The following MAPK10 variants were observed in gnomAD, a reference collection of about 807,000 sequenced individuals.
MAPK10 encodes JNK3 alpha protein kinase.
A neutral mutation model predicts 59.3 loss-of-function variants in MAPK10; 25 were observed. The ratio of observed to expected loss-of-function variants is 0.42; its 90% confidence interval spans 0.31 to 0.59. MAPK10 has a LOEUF of 0.59. MAPK10 is among the 20% of genes least tolerant of loss of function. MAPK10 has a pLI of 0.15. For missense variants in MAPK10, 351 were observed against 568.9 expected, an observed-to-expected ratio of 0.62 and a Z score of 3.90; for synonymous variants, 190 against 200.5, an observed-to-expected ratio of 0.95 and a Z score of 0.44.
intron 1 of MAPK10, among the ~76,000 whole-genome samples, chr4:86,477,444 C>T (rs1332046922): frequency 1.3e-5 from 2 of 152,090 alleles, no homozygotes; most frequent in African/African-American, 2.4e-5. Context: ...AAGCCTCCTT[C>T]ACATCCTCCC....
intron 2 of MAPK10, among the ~76,000 whole-genome samples, chr4:86,265,805 C>T (rs1397889832): frequency 2.0e-5 from 3 of 152,068 alleles, no homozygotes; most frequent in Non-Finnish European, 4.4e-5. Flanking sequence ...AAGTTTTTTT[C>T]TGAAGTCCTG....
chr4:86,095,064 A>G (rs2053977769), intron 9 of MAPK10: 1 of 151,884 alleles, frequency 6.6e-6, no homozygotes, highest in African/African-American at 2.4e-5. Context: ...CACAAGAAAA[A>G]TAAGTATTAA....
At chr4:86,350,707 T>C (rs10856859) in intron 2 of MAPK10, among the ~76,000 whole-genome samples, 111,105 of 152,024 alleles carry the variant, frequency 0.73, 41,195 homozygotes, top group South Asian at 0.9. Context: ...CAGAGTATAT[T>C]GAAAATTCTT....
chr4:86,556,991 G>C (rs908091580), intron 1 of MAPK10, among the ~76,000 whole-genome samples: 1 of 151,990 alleles, frequency 6.6e-6, no homozygotes, highest in South Asian at 2.1e-4. Flanking sequence ...CTGGGACAGA[G>C]CCATTTTAAA....
intron 1 of MAPK10, among the ~76,000 whole-genome samples, chr4:86,444,220 C>T (rs1749750430): frequency 6.6e-6 from 1 of 152,036 alleles, no homozygotes; most frequent in South Asian, 2.1e-4. Context: ...AACCACAAAT[C>T]CAGGAAGCTC....
chr4:86,287,002 G>T (rs1045276144), intron 2 of MAPK10, among the ~76,000 whole-genome samples: 6 of 152,130 alleles, frequency 3.9e-5, no homozygotes, highest in Non-Finnish European at 5.9e-5. Context: ...TGCCTTAAGG[G>T]ACTTTAAGCT....
chr4:86,417,703 G>A (rs192980856), intron 1 of MAPK10, among the ~76,000 whole-genome samples: 1 of 152,268 alleles, frequency 6.6e-6, no homozygotes, highest in East Asian at 1.9e-4. Context: ...GAGATCCTCT[G>A]AGAACCTACT....
chr4:86,064,133 C>A (rs1328663748), intron 11 of MAPK10, 133 bp downstream of exon 11: 3 of 1,020,106 alleles, frequency 2.9e-6, no homozygotes, highest in East Asian at 4.9e-5. Context: ...TTTAGAGGGG[C>A]AGATAATAGG....
chr4:86,037,905 C>A (rs1381534844), intron 11 of MAPK10, among the ~76,000 whole-genome samples: 2 of 152,142 alleles, frequency 1.3e-5, no homozygotes, highest in East Asian at 3.9e-4. Flanking sequence ...AAAAGATATT[C>A]ATTAAAGACA....
At chr4:86,130,566 G>A (rs59822525) in intron 4 of MAPK10, among the ~76,000 whole-genome samples, 7,499 of 152,158 alleles carry the variant, frequency 0.049, 617 homozygotes, top group African/African-American at 0.17. Flanking sequence ...TGGTCTAATC[G>A]CAAGAGCAAG....
chr4:86,151,474 C>T (rs1424944054), intron 4 of MAPK10, among the ~76,000 whole-genome samples: 1 of 152,164 alleles, frequency 6.6e-6, no homozygotes, highest in African/African-American at 2.4e-5. Flanking sequence ...TATATCATTC[C>T]TCCAGCTGGG....
At chr4:86,107,481 T>G (rs1208009142) in intron 4 of MAPK10, 129 bp from the exon 5 acceptor site, 2 of 1,369,618 alleles carry the variant, frequency 1.5e-6, no homozygotes, top group South Asian at 1.9e-5. Flanking sequence ...TCTGGTCACA[T>G]GCCAATCAGG....
chr4:86,124,782 T>A (rs2059808962), intron 4 of MAPK10: 1 of 152,048 alleles, frequency 6.6e-6, no homozygotes, highest in Non-Finnish European at 1.5e-5. Flanking sequence ...TTATATTCTA[T>A]GTGGCACCTG....
intron 9 of MAPK10, among the ~76,000 whole-genome samples, chr4:86,078,602 T>TACAC (rs1488636694): frequency 6.7e-6 from 1 of 149,246 alleles, no homozygotes; most frequent in Non-Finnish European, 1.5e-5. Flanking sequence ...TATATATATA[T>TACAC]ATACACACAC....
At position 86,143,489 on chromosome 4, in the gene MAPK10, T is replaced by C. The variant is rs574380777; in HGVS notation, c.236+15809A>G. On this transcript the variant is annotated intron_variant, in intron 4 of 13. Transcript: ENST00000641462. Reference sequence around the variant, plus strand: ...AGAATTGTCCTATTCCCTGGAACTATGCAGGAACTCAGACTTCAGTGGAAG... The same window carrying C: ...AGAATTGTCCTATTCCCTGGAACTACGCAGGAACTCAGACTTCAGTGGAAG... Among the ~76,000 whole-genome samples the C allele has an allele frequency of 9.2e-5, 14 of 152,352 alleles. No individual in the cohort carries two copies. The East Asian group carries it at 1.2e-3, about 13-fold the overall frequency.
chr4:86,448,691 A>G (rs1251194655), intron 1 of MAPK10, among the ~76,000 whole-genome samples: 4 of 152,076 alleles, frequency 2.6e-5, no homozygotes, highest in Non-Finnish European at 5.9e-5. Context: ...ATGGAAGACA[A>G]TTTTTCCACT....
chr4:86,459,597 A>G (rs1191150400), intron 1 of MAPK10, among the ~76,000 whole-genome samples: 1 of 152,236 alleles, frequency 6.6e-6, no homozygotes, highest in Non-Finnish European at 1.5e-5. Context: ...AAAAGGAATG[A>G]ATTAATGGCA....
intron 1 of MAPK10, chr4:86,358,935 A>G (rs1388671099): frequency 6.6e-6 from 1 of 152,122 alleles, no homozygotes; most frequent in Non-Finnish European, 1.5e-5. Context: ...ACTTTCTTAA[A>G]GGGACCCCTT....
In MAPK10 at chr4:86,064,360, A is replaced by G; in HGVS notation, c.1016T>C (p.Met339Thr). 3.1e-6 allele frequency: 5 copies of G among 1,614,152 alleles called. No individual in the cohort carries two copies. Among genetic ancestry groups the G allele is most frequent in the Non-Finnish European group, 4.2e-6 (5 of 1,179,978 alleles). The change falls in exon 11 of 14, where the codon ATG becomes ACG. Residue 339 changes from methionine (M) to threonine (T), a missense_variant. Around this residue, in one of 5 missense-constraint regions of MAPK10, gnomAD observed 155 missense variants for 204.2 expected, o/e 0.76. Transcript: ENST00000641462. ...ASQARDLLSKMLVIDPAKRIS... is the reference protein window; with the variant it reads ...ASQARDLLSKTLVIDPAKRIS... ...TCTTTTTGCTGGGTCAATCACTAGC[A>G]TCTTTGACAACAAGTCCCTGGCTTG...
Sources: gnomAD v4.1 joint callset for allele counts (sites outside exome capture counted in the v4.1 genomes callset) on GRCh38, gnomAD v4.1.1 for gene constraint, gnomAD v4.1.1 regional missense constraint, MANE v1.5 for transcripts, NCBI Gene and HGNC (gene_info 2026-07-23, HGNC 2026-07-21) for gene names.